The following RWDD1 variants were observed in gnomAD, a reference collection of about 807,000 sequenced individuals.
RWDD1 encodes RWD domain containing 1.
In RWDD1, 17 loss-of-function variants were observed where a neutral mutation model predicts 31.6. The observed-to-expected ratio is 0.54, with a 90% confidence interval of 0.37 to 0.81. RWDD1 has a LOEUF of 0.81. RWDD1 is among the 30% of genes least tolerant of loss of function. The pLI is 0.00. For missense variants in RWDD1, 204 were observed against 274.5 expected (o/e 0.74, Z 1.82); for synonymous variants, 78 against 94.2 (o/e 0.83, Z 0.99).
chr6:116,572,894 C>T, intron 1 of RWDD1: 1 of 985,454 alleles, frequency 1.0e-6, no homozygotes, highest in Non-Finnish European at 1.2e-6. Flanking sequence ...TAGCTCCAGT[C>T]CTGTTCATGT....
At chr6:116,585,573 T>G (rs1775023093) in intron 3 of RWDD1, among the ~76,000 whole-genome samples, 1 of 152,268 alleles carries the variant, frequency 6.6e-6, no homozygotes, top group Non-Finnish European at 1.5e-5. Flanking sequence ...TTTATTTGTT[T>G]ACTCTAAGAA....
intron 4 of RWDD1, among the ~76,000 whole-genome samples, 161 bp downstream of exon 4, chr6:116,589,146 A>C (rs924802749): frequency 6.6e-6 from 1 of 152,096 alleles, no homozygotes; most frequent in Admixed American, 6.6e-5. Context: ...GAAGTCCCTC[A>C]TTTGGTTGGT....
intron 1 of RWDD1, chr6:116,573,117 T>C (rs1188878921): frequency 2.1e-6 from 1 of 472,920 alleles, no homozygotes; most frequent in Admixed American, 6.4e-5. Context: ...GGAAACATAC[T>C]AGGTATGAAC....
chr6:116,573,112 C>A, intron 1 of RWDD1: 1 of 519,032 alleles, frequency 1.9e-6, no homozygotes, highest in Non-Finnish European at 2.5e-6. Flanking sequence ...ACTTTGGAAA[C>A]ATACTAGGTA....
At position 116,588,941 on chromosome 6, in the gene RWDD1, G is replaced by C; in HGVS notation, c.370G>C (p.Glu124Gln). Residue 124 changes from glutamate to glutamine, a missense_variant, in exon 4 of 7, where the codon GAA (glutamate) becomes CAA (glutamine). Physicochemically the swap from Glu to Gln is conservative, Grantham distance 29. Coordinates refer to ENST00000466444, the MANE Select transcript of RWDD1 (RefSeq NM_015952.4). ...AGATCAGATAAAAACTAGAAGAGAA[G>C]AAGAAAAGAAACAAAAAGAAAAAGA... The part of the protein sequence containing the change: ...IVDQIKTRRE[E>Q]EKKQKEKEAE... The C allele has an allele frequency of 6.9e-7, 1 of 1,446,950 alleles. No homozygotes were observed. The highest frequency in any genetic ancestry group is 1.5e-5 in the South Asian group (1 of 65,790). 89.6% of individuals were successfully genotyped at this position (1,446,950 alleles called of 1,614,324 possible).
chr6:116,589,753 A>G (rs551231251), intron 4 of RWDD1, among the ~76,000 whole-genome samples: 63 of 152,290 alleles, frequency 4.1e-4, no homozygotes, highest in African/African-American at 1.4e-3. Context: ...CACTTCTTAC[A>G]TGGCAGCGGC....
Position 116,571,639 on chromosome 6 carries a change from C to T in RWDD1, c.57C>T (p.Tyr19=). 3 of 1,613,384 alleles carry T rather than the reference C, an allele frequency of 1.9e-6. No homozygotes were observed. The highest frequency in any genetic ancestry group is 2.5e-6 in the Non-Finnish European group (3 of 1,179,788). Residue 19 remains tyrosine (Y), a synonymous_variant, in exon 1 of 7, where the codon TAC becomes TAT. Coordinates refer to ENST00000466444, the MANE Select transcript of RWDD1 (RefSeq NM_015952.4). ...AGCTGGAGGCCCTGGAGTCCATCTA[C>T]CCTGACTCCTTCACAGGTGACTCCC... ...RNELEALESI[Y]PDSFTVLSEN...
rs904290079 is a variant in RWDD1 at position 116,590,907 on chromosome 6, A to G, written c.567A>G (p.Thr189=). Residue 189 remains threonine (T), a synonymous_variant, in exon 6 of 7, where the codon ACA becomes ACG. Coordinates refer to ENST00000466444, the MANE Select transcript of RWDD1 (RefSeq NM_015952.4). Reference sequence around the variant, plus strand: ...TTTTAGGGAAACAACTATTTGAAACAGATCATAATCTTGACACATCTGATA... The same window carrying G: ...TTTTAGGGAAACAACTATTTGAAACGGATCATAATCTTGACACATCTGATA... The part of the protein sequence containing the change: ...NKLSGKQLFE[T]DHNLDTSDIQ... 1.9e-6 allele frequency: 3 copies of G among 1,568,976 alleles called. No homozygotes were observed. Among genetic ancestry groups the G allele is most frequent in the Non-Finnish European group, 2.6e-6 (3 of 1,165,810 alleles).
At chr6:116,572,163 G>A (rs1197931965) in intron 1 of RWDD1, among the ~76,000 whole-genome samples, 1 of 148,542 alleles carries the variant, frequency 6.7e-6, no homozygotes, top group Non-Finnish European at 1.5e-5. Context: ...CTTTTCTTAT[G>A]AAAAAAAAAA....
chr6:116,582,906 G>A (rs1231842583), intron 2 of RWDD1, among the ~76,000 whole-genome samples: 1 of 148,836 alleles, frequency 6.7e-6, no homozygotes, highest in African/African-American at 2.5e-5. Context: ...TCTTAGAACA[G>A]CTTTTGCTTC....
rs1465069774 is a variant in RWDD1 at position 116,593,310 on chromosome 6, C to T, written c.*209C>T. 28 of 412,564 alleles carry T rather than the reference C, an allele frequency of 6.8e-5. No homozygotes were observed. The highest frequency in any genetic ancestry group is 9.1e-5 in the Non-Finnish European group (22 of 242,644). 25.6% of individuals were successfully genotyped at this position (412,564 alleles called of 1,614,324 possible). A position where few individuals can be genotyped will look rare whatever the true frequency, so the allele number is the denominator to read the frequency against. ...CTTCTTACTGTTGAGCACAAGGTTA[C>T]GTATTTAAAATCACCTAGTATTTGA... On this transcript the variant is annotated 3_prime_UTR_variant, in exon 7 of 7. Coordinates refer to ENST00000466444, the MANE Select transcript of RWDD1 (RefSeq NM_015952.4).
chr6:116,577,562 C>G (rs1774871538), intron 1 of RWDD1, among the ~76,000 whole-genome samples: 1 of 145,378 alleles, frequency 6.9e-6, no homozygotes, highest in Admixed American at 7.0e-5. Flanking sequence ...TATATCATGT[C>G]TGATTTTTTT....
intron 1 of RWDD1, among the ~76,000 whole-genome samples, chr6:116,572,239 C>T (rs907337197): frequency 6.6e-6 from 1 of 151,910 alleles, no homozygotes; most frequent in Admixed American, 6.6e-5. Flanking sequence ...GCTATAAATT[C>T]ATAGGTTGTT....
chr6:116,579,546 C>T (rs183234327), intron 1 of RWDD1, among the ~76,000 whole-genome samples: 58 of 152,238 alleles, frequency 3.8e-4, no homozygotes, highest in Admixed American at 2.0e-3. Flanking sequence ...TCTAGGAGCT[C>T]TCATAGAGTT....
Position 116,595,431 on chromosome 6 carries a change from T to G in RWDD1, c.*2330T>G, listed in dbSNP as rs1056755608. 6.6e-6 allele frequency: 1 copy of G among 152,346 alleles called. No homozygotes were observed. The highest frequency in any genetic ancestry group is 1.9e-4 in the East Asian group (1 of 5,194). 9.4% of individuals were successfully genotyped at this position (152,346 alleles called of 1,614,324 possible). A position where few individuals can be genotyped will look rare whatever the true frequency, so the allele number is the denominator to read the frequency against. On this transcript the variant is annotated 3_prime_UTR_variant, in exon 7 of 7. Coordinates refer to ENST00000466444, the MANE Select transcript of RWDD1 (RefSeq NM_015952.4). Reference sequence around the variant, plus strand: ...TACTGTTGGCTTTGTATTCTGGGAATTAGCCCAAGACTATGCTGCTCAAAT... The same window carrying G: ...TACTGTTGGCTTTGTATTCTGGGAAGTAGCCCAAGACTATGCTGCTCAAAT...
intron 1 of RWDD1, among the ~76,000 whole-genome samples, chr6:116,578,789 T>G (rs139739498): frequency 1.8e-4 from 28 of 152,336 alleles, no homozygotes; most frequent in African/African-American, 6.0e-4. Flanking sequence ...TCTAACACTT[T>G]TCTAGTAATC....
In RWDD1 at chr6:116,571,670, C is replaced by T; in HGVS notation, c.73+15C>T. 1 of 1,605,190 alleles carries T rather than the reference C, an allele frequency of 6.2e-7. No homozygotes were observed. The highest frequency in any genetic ancestry group is 1.1e-5 in the South Asian group (1 of 90,574). ...CTCCTTCACAGGTGACTCCCGCGGC[C>T]GCAAGCCTGTAGCCGCCCCGAGGTG... On this transcript the variant is annotated intron_variant, in intron 1 of 6. Coordinates refer to ENST00000466444, the MANE Select transcript of RWDD1 (RefSeq NM_015952.4).
intron 2 of RWDD1, 126 bp from the exon 3 acceptor site, chr6:116,584,601 A>G (rs886218492): frequency 2.7e-6 from 2 of 752,374 alleles, no homozygotes; most frequent in African/African-American, 1.8e-5. Flanking sequence ...GTGATTATCC[A>G]TCTGGTCTCT....
chr6:116,577,824 A>G (rs1476645372), intron 1 of RWDD1, among the ~76,000 whole-genome samples: 2 of 151,934 alleles, frequency 1.3e-5, no homozygotes, highest in African/African-American at 4.8e-5. Context: ...TATTATTGCT[A>G]AAAAAAAGAT....
Sources: allele counts gnomAD v4.1 joint callset (sites outside exome capture counted in the v4.1 genomes callset), GRCh38; gene constraint gnomAD v4.1.1; transcripts MANE v1.5; gene names NCBI Gene and HGNC (gene_info 2026-07-23, HGNC 2026-07-21).